EPHA4: variants seen among roughly 807,000 people sequenced by gnomAD.
EPHA4 encodes EPH receptor A4, also known as ephrin type-A receptor 4.
EPHA4 carries 19 observed loss-of-function variants against 108.3 expected under a neutral mutation model. That is an observed-to-expected ratio of 0.18 (90% CI 0.12 to 0.26). EPHA4 has a LOEUF of 0.26. EPHA4 is among the 10% of genes least tolerant of loss of function. The pLI is 1.00. For synonymous variants in EPHA4, 449 were observed against 455.5 expected (o/e 0.99, Z 0.18); for missense variants, 917 against 1,254.0 (o/e 0.73, Z 4.06).
At position 221,482,402 on chromosome 2, in the gene EPHA4, T is replaced by C. The variant is rs758087110; in HGVS notation, c.1268A>G (p.Asn423Ser). ...AGAAACTGATTGGTCTGGGTTAGGG[T>C]TATATTTGGACACTCCATTCACAGC... ...IWAVNGVSKY[N>S]PNPDQSVSVT... Residue 423 changes from asparagine to serine, a missense_variant, in exon 5 of 18, where the codon AAC (asparagine) becomes AGC (serine). Asn to Ser is a conservative substitution (Grantham distance 46). Around this residue, in one of 3 missense-constraint regions of EPHA4, gnomAD observed 758 missense variants for 1,076.7 expected, o/e 0.70. Coordinates refer to ENST00000281821, the MANE Select transcript of EPHA4 (RefSeq NM_004438.5). 6.2e-7 allele frequency: 1 copy of C among 1,613,634 alleles called. No homozygotes were observed. The highest frequency in any genetic ancestry group is 1.7e-5 in the Admixed American group (1 of 59,974).
intron 3 of EPHA4, among the ~76,000 whole-genome samples, chr2:221,527,638 T>G (rs1374762539): frequency 6.6e-6 from 1 of 152,194 alleles, no homozygotes; most frequent in Non-Finnish European, 1.5e-5. Flanking sequence ...AGAGCGTGTG[T>G]CTGTGCTTCC....
intron 3 of EPHA4, among the ~76,000 whole-genome samples, chr2:221,528,574 C>T (rs1337848753): frequency 2.0e-5 from 3 of 152,154 alleles, no homozygotes; most frequent in Admixed American, 6.5e-5. Context: ...AAAGCATTTT[C>T]CTAAACAGTA....
chr2:221,570,323 C>G (rs956087197), intron 1 of EPHA4, among the ~76,000 whole-genome samples: 2 of 150,668 alleles, frequency 1.3e-5, no homozygotes, highest in Non-Finnish European at 3.0e-5. Flanking sequence ...TCTCCCCCCC[C>G]CCCAAAAAAA....
At chr2:221,486,817 C>T (rs1316935210) in intron 4 of EPHA4, among the ~76,000 whole-genome samples, 1 of 151,014 alleles carries the variant, frequency 6.6e-6, no homozygotes, top group African/African-American at 2.4e-5. Context: ...CATGGTTCCT[C>T]GTTCAGAAAT....
intron 11 of EPHA4, among the ~76,000 whole-genome samples, chr2:221,441,697 G>A (rs112301115): frequency 0.016 from 2,457 of 152,144 alleles, 52 homozygotes; most frequent in African/African-American, 0.056. Context: ...GAGGTCACTG[G>A]CAACCACTCG....
At chr2:221,424,119 GTAATAA>G in intron 17 of EPHA4, among the ~76,000 whole-genome samples, 1 of 145,662 alleles carries the variant, frequency 6.9e-6, no homozygotes, top group South Asian at 2.2e-4. Flanking sequence ...GTCTCAAATA[GTAATAA>G]TAATAATAAT....
intron 9 of EPHA4, among the ~76,000 whole-genome samples, chr2:221,444,411 GT>G (rs1261783965): frequency 6.6e-6 from 1 of 152,106 alleles, no homozygotes; most frequent in Non-Finnish European, 1.5e-5. Flanking sequence ...TCCTGGAGCT[GT>G]TGGGGCACTG....
intron 3 of EPHA4, among the ~76,000 whole-genome samples, chr2:221,523,894 A>G (rs11900971): frequency 0.1 from 15,743 of 152,210 alleles, 1,066 homozygotes; most frequent in East Asian, 0.17. Context: ...CCCTCAGTAG[A>G]ATATTTTTTG....
Position 221,501,138 on chromosome 2 carries a change from C to T in EPHA4, c.858G>A (p.Thr286=), listed in dbSNP as rs267599216. ...CKIGYYKALS[T]DATCAKCPPH... Reference sequence around the variant, plus strand: ...GTGGGCACTTGGCACAGGTGGCATCCGTGGAGAGAGCCTTGTAATATCCAA... The same window carrying T: ...GTGGGCACTTGGCACAGGTGGCATCTGTGGAGAGAGCCTTGTAATATCCAA... The change falls in exon 4 of 18, where the codon ACG becomes ACA. Residue 286 remains threonine (T), a synonymous_variant. Coordinates refer to ENST00000281821, the MANE Select transcript of EPHA4 (RefSeq NM_004438.5). 6.3e-5 allele frequency: 101 copies of T among 1,611,778 alleles called. No homozygotes were observed. The highest frequency in any genetic ancestry group is 3.1e-4 in the African/African-American group (23 of 74,736).
chr2:221,465,311 T>A (rs887205848), intron 5 of EPHA4, among the ~76,000 whole-genome samples: 5 of 152,208 alleles, frequency 3.3e-5, no homozygotes, highest in Non-Finnish European at 5.9e-5. Context: ...TTTATAAGCC[T>A]TTTTTATTTC....
chr2:221,457,788 A>G lies in EPHA4; in HGVS notation c.1443+78T>C, dbSNP rs1285478637. 3.4e-6 allele frequency: 5 copies of G among 1,480,036 alleles called. No homozygotes were observed. The South Asian group carries it at 4.9e-5, about 15-fold the overall frequency. 91.7% of individuals were successfully genotyped at this position (1,480,036 alleles called of 1,614,324 possible). Reference sequence around the variant, plus strand: ...AAGAAGAGAGGGAGGGAGGGAGGGAAGGAGAAAGGAAAGAAGAAAACAAAG... The same window carrying G: ...AAGAAGAGAGGGAGGGAGGGAGGGAGGGAGAAAGGAAAGAAGAAAACAAAG... On this transcript the variant is annotated intron_variant, in intron 6 of 17. Coordinates refer to ENST00000281821, the MANE Select transcript of EPHA4 (RefSeq NM_004438.5).
In EPHA4 at chr2:221,572,262, C is replaced by T; in HGVS notation, c.-14G>A. ...AATCCCAGCCATGGTTCGCCGGTGC[C>T]AACGCTGCTCCTGCCGCTTCTATCC... On this transcript the variant is annotated 5_prime_UTR_variant, in exon 1 of 18. Coordinates refer to ENST00000281821, the MANE Select transcript of EPHA4 (RefSeq NM_004438.5). The T allele has an allele frequency of 6.2e-7, 1 of 1,606,866 alleles. No homozygotes were observed. Among genetic ancestry groups the T allele is most frequent in the Non-Finnish European group, 8.5e-7 (1 of 1,173,392 alleles).
At chr2:221,530,633 C>G (rs1253740628) in intron 3 of EPHA4, among the ~76,000 whole-genome samples, 1 of 152,158 alleles carries the variant, frequency 6.6e-6, no homozygotes, top group Non-Finnish European at 1.5e-5. Flanking sequence ...CCCGAAAAAG[C>G]TACTAGGCTA....
chr2:221,437,079 G>A lies in EPHA4; in HGVS notation c.2118C>T (p.Ser706=). 1 of 1,612,330 alleles carries A rather than the reference G, an allele frequency of 6.2e-7. No homozygotes were observed. The highest frequency in any genetic ancestry group is 8.5e-7 in the Non-Finnish European group (1 of 1,179,038). Residue 706 remains serine (S), a synonymous_variant, in exon 12 of 18, where the codon TCC becomes TCT. Transcript: ENST00000281821. ...CACATACCCTGAGGAATGCATCCAA[G>A]GAGCCATTCTCCATGTACTCTGTTA... ...MIITEYMENG[S]LDAFLRKNDG...
At chr2:221,566,946 G>GAAGGAT (rs1694676724) in intron 2 of EPHA4, among the ~76,000 whole-genome samples, 2 of 78,080 alleles carry the variant, frequency 2.6e-5, no homozygotes, top group Non-Finnish European at 4.8e-5. Flanking sequence ...AGGAGAAGGA[G>GAAGGAT]AAGGAGAAGG....
At chr2:221,566,969 G>GGAAGAAGAAGAA (rs71050343) in intron 2 of EPHA4, among the ~76,000 whole-genome samples, 1,362 of 27,652 alleles carry the variant, frequency 0.049, 469 homozygotes, top group East Asian at 0.09. Flanking sequence ...AAGAGGAAGA[G>GGAAGAAGAAGAA]GAAGAAGAAG....
At chr2:221,542,411 T>C (rs906169303) in intron 3 of EPHA4, among the ~76,000 whole-genome samples, 10 of 152,136 alleles carry the variant, frequency 6.6e-5, no homozygotes, top group Non-Finnish European at 1.5e-4. Flanking sequence ...CAGAAACAAT[T>C]GATTACACAG....
chr2:221,432,636 T>C (rs1690112369), intron 14 of EPHA4, among the ~76,000 whole-genome samples: 1 of 149,364 alleles, frequency 6.7e-6, no homozygotes, highest in Admixed American at 6.7e-5. Context: ...ATTTCTCTAT[T>C]GCACCGAACA....
chr2:221,482,786 G>A lies in EPHA4; in HGVS notation c.980-96C>T, dbSNP rs575235462. 95 of 1,167,820 alleles carry A rather than the reference G, an allele frequency of 8.1e-5. 3 individuals are homozygous for A. The South Asian group carries it at 1.5e-3, about 18-fold the overall frequency. The allele number at this position is 1,167,820 out of a possible 1,614,324, so 72.3% of individuals were successfully genotyped here. On this transcript the variant is annotated intron_variant, in intron 4 of 17. Coordinates refer to ENST00000281821, the MANE Select transcript of EPHA4 (RefSeq NM_004438.5). ...TATTTTCTGCAGCTCTCCAAAGCAAGGCAAACCCACTTGGCAAAGAAAGCA... is the reference window on the plus strand; with the variant it reads ...TATTTTCTGCAGCTCTCCAAAGCAAAGCAAACCCACTTGGCAAAGAAAGCA...
Sources: allele counts gnomAD v4.1 joint callset (sites outside exome capture counted in the v4.1 genomes callset), GRCh38; gene constraint gnomAD v4.1.1; regional missense constraint gnomAD v4.1.1; transcripts MANE v1.5; gene names NCBI Gene and HGNC (gene_info 2026-07-23, HGNC 2026-07-21).